EDA: variants seen among roughly 807,000 people sequenced by gnomAD.
EDA encodes the protein ectodysplasin-A.
EDA carries 2 observed loss-of-function variants against 23.6 expected under a neutral mutation model. The observed-to-expected ratio is 0.08, with a 90% confidence interval of 0.03 to 0.27. EDA has a LOEUF of 0.27. EDA is among the 10% of genes least tolerant of loss of function. The pLI, the probability that EDA is intolerant of heterozygous loss-of-function variation, is 1.00. For synonymous variants in EDA, 131 were observed against 132.0 expected (o/e 0.99, Z 0.05); for missense variants, 229 against 324.2 (o/e 0.71, Z 2.26).
At chrX:69,681,015 T>G (rs904131333) in intron 1 of EDA, among the ~76,000 whole-genome samples, 1 of 109,099 alleles carries the variant, frequency 9.2e-6, no homozygotes, top group Admixed American at 9.8e-5. Flanking sequence ...AGGGCAGGCC[T>G]GGTGGTGACA....
intron 1 of EDA, among the ~76,000 whole-genome samples, chrX:69,641,431 C>A (rs779381962): frequency 9.0e-6 from 1 of 111,143 alleles, no homozygotes; most frequent in Non-Finnish European, 1.9e-5. Flanking sequence ...TATACATACA[C>A]ACATGAAAAT....
chrX:69,665,611 T>G (rs1468775986), intron 1 of EDA, among the ~76,000 whole-genome samples: 1 of 111,510 alleles, frequency 9.0e-6, no homozygotes, highest in African/African-American at 3.3e-5. Flanking sequence ...AGTAATTGAC[T>G]GTATATGTTT....
intron 1 of EDA, among the ~76,000 whole-genome samples, chrX:69,836,070 A>G: frequency 9.0e-6 from 1 of 111,629 alleles, no homozygotes; most frequent in East Asian, 2.8e-4. Context: ...ATATTGCAGA[A>G]CAGCAAATAT....
intron 2 of EDA, among the ~76,000 whole-genome samples, chrX:70,011,114 A>G (rs998855474): frequency 9.1e-6 from 1 of 110,341 alleles, no homozygotes; most frequent in Admixed American, 9.7e-5. Flanking sequence ...ATATGATTCC[A>G]TTTTCTCTTC....
intron 1 of EDA, among the ~76,000 whole-genome samples, chrX:69,931,059 A>G (rs1224178628): frequency 5.4e-5 from 6 of 111,387 alleles, no homozygotes; most frequent in Admixed American, 9.6e-5. Flanking sequence ...AGAATATCCT[A>G]AACAACTTTG....
intron 1 of EDA, among the ~76,000 whole-genome samples, chrX:69,818,565 A>C (rs1372211868): frequency 8.9e-6 from 1 of 111,842 alleles, no homozygotes; most frequent in East Asian, 2.8e-4. Flanking sequence ...AATACAAACT[A>C]CCATCAGAGA....
chrX:69,687,267 T>G (rs1934577192), intron 1 of EDA, among the ~76,000 whole-genome samples: 2 of 110,678 alleles, frequency 1.8e-5, no homozygotes, highest in Non-Finnish European at 1.9e-5. Flanking sequence ...TGAGTAGTTT[T>G]TTTTTTTTTT....
At chrX:69,910,949 T>A (rs1465123330) in intron 1 of EDA, among the ~76,000 whole-genome samples, 1 of 112,233 alleles carries the variant, frequency 8.9e-6, no homozygotes, top group African/African-American at 3.2e-5. Context: ...TAACATTTTC[T>A]AGTTTTTTTC....
At chrX:69,746,853 G>A (rs2013638217) in intron 1 of EDA, among the ~76,000 whole-genome samples, 1 of 111,304 alleles carries the variant, frequency 9.0e-6, no homozygotes, top group South Asian at 3.9e-4. Context: ...GGAAATACTT[G>A]GTACTGCTGC....
At chrX:69,720,134 A>G (rs979043230) in intron 1 of EDA, among the ~76,000 whole-genome samples, 3 of 111,631 alleles carry the variant, frequency 2.7e-5, no homozygotes, top group Non-Finnish European at 5.6e-5. Context: ...TGCAGTAAAC[A>G]TGCAGTTGAT....
Position 69,749,919 on chromosome X carries a change from GTTCTTTTTTTTT to G in EDA, c.396+133218_396+133229del, listed in dbSNP as rs1347312833. 2.3e-4 allele frequency among the ~76,000 whole-genome samples: 11 copies of G among 48,608 alleles called. 1 individual carries two copies. The highest frequency in any genetic ancestry group is 1.9e-3 in the Admixed American group (6 of 3,225). The allele number at this position is 48,608 out of a possible 115,157, so 42.2% of individuals were successfully genotyped here. The stretch of plus-strand genomic sequence containing the variant: ...TTTTTAGAAACTTCCTCTCACTAAG[GTTCTTTTTTTTT>G]TTTTTTTTTTTTTTTTTTGGTTGGG... On this transcript the variant is annotated intron_variant, in intron 1 of 7. Transcript: ENST00000374552.
At chrX:69,803,339 A>C (rs2015739656) in intron 1 of EDA, among the ~76,000 whole-genome samples, 1 of 110,242 alleles carries the variant, frequency 9.1e-6, no homozygotes, top group African/African-American at 3.3e-5. Flanking sequence ...TTTTTCATGA[A>C]ATGTTGAAGA....
intron 1 of EDA, among the ~76,000 whole-genome samples, chrX:69,833,529 CT>C (rs1206854528): frequency 9.1e-6 from 1 of 109,719 alleles, no homozygotes; most frequent in Non-Finnish European, 1.9e-5. Context: ...CTCTGCCAGG[CT>C]TTGATATCAG....
At chrX:69,833,794 C>T (rs1024030473) in intron 1 of EDA, among the ~76,000 whole-genome samples, 2 of 110,960 alleles carry the variant, frequency 1.8e-5, no homozygotes, top group East Asian at 5.7e-4. Flanking sequence ...TCCTGGAATT[C>T]ATCCATTTCT....
chrX:69,771,781 C>T (rs2014646284), intron 1 of EDA, among the ~76,000 whole-genome samples: 2 of 111,683 alleles, frequency 1.8e-5, no homozygotes, highest in Admixed American at 1.9e-4. Flanking sequence ...AATCACTCTA[C>T]CAGTGATGGT....
chrX:69,783,155 G>A (rs1205904248), intron 1 of EDA, among the ~76,000 whole-genome samples: 1 of 111,552 alleles, frequency 9.0e-6, no homozygotes, highest in Non-Finnish European at 1.9e-5. Flanking sequence ...TATTGTCATT[G>A]GAGTTAAAAG....
intron 1 of EDA, among the ~76,000 whole-genome samples, chrX:69,707,055 A>G (rs2011756807): frequency 8.9e-6 from 1 of 111,901 alleles, no homozygotes. Flanking sequence ...ATCATCAGTC[A>G]ACATAAAATA....
intron 1 of EDA, among the ~76,000 whole-genome samples, chrX:69,642,087 A>G (rs903724746): frequency 4.5e-5 from 5 of 111,340 alleles, no homozygotes; most frequent in African/African-American, 1.6e-4. Context: ...GCCAGAAATA[A>G]TAGTAGTAGT....
intron 1 of EDA, among the ~76,000 whole-genome samples, chrX:69,804,231 C>A (rs1347356114): frequency 9.0e-6 from 1 of 110,859 alleles, no homozygotes; most frequent in Non-Finnish European, 1.9e-5. Flanking sequence ...TTTGAGAAAT[C>A]TTCATATTGT....
Sources: allele counts gnomAD v4.1 joint callset (sites outside exome capture counted in the v4.1 genomes callset), GRCh38; gene constraint gnomAD v4.1.1; transcripts MANE v1.5; gene names NCBI Gene and HGNC (gene_info 2026-07-23, HGNC 2026-07-21).